DENND1A: variants seen among roughly 807,000 people sequenced by gnomAD.
DENND1A encodes the protein DENN domain containing 1A, also known as DENN domain-containing protein 1A.
Under a neutral mutation model 113.7 loss-of-function variants are expected in DENND1A, and 51 were observed. That is an observed-to-expected ratio of 0.45 (90% CI 0.36 to 0.57). The LOEUF (loss-of-function observed/expected upper bound fraction) is 0.57. Among genes scored for constraint, DENND1A ranks in the 20% least tolerant of loss-of-function variants. The pLI is 0.00. For missense variants in DENND1A, 1,258 were observed against 1,395.9 expected (o/e 0.90, Z 1.57); for synonymous variants, 565 against 570.8 (o/e 0.99, Z 0.14).
chr9:123,631,681 A>G (rs2061482192), intron 9 of DENND1A, among the ~76,000 whole-genome samples: 1 of 152,200 alleles, frequency 6.6e-6, no homozygotes, highest in South Asian at 2.1e-4. Context: ...CCACATAGGT[A>G]ATCAATTGCT....
intron 4 of DENND1A, among the ~76,000 whole-genome samples, chr9:123,760,742 A>T (rs2070967463): frequency 6.6e-6 from 1 of 152,234 alleles, no homozygotes; most frequent in Admixed American, 6.5e-5. Flanking sequence ...AAGGTTGAGA[A>T]CTGAAGATGT....
At chr9:123,450,170 C>T (rs2047608721) in intron 18 of DENND1A, among the ~76,000 whole-genome samples, 1 of 152,116 alleles carries the variant, frequency 6.6e-6, no homozygotes, top group African/African-American at 2.4e-5. Context: ...CTCAGAGTCT[C>T]AACAGCGCCC....
intron 19 of DENND1A, chr9:123,413,498 C>T: frequency 3.0e-6 from 3 of 985,440 alleles, no homozygotes; most frequent in Non-Finnish European, 3.6e-6. Context: ...GAACCTGCCC[C>T]ACTACTCCTG....
At chr9:123,780,721 C>CCTAT (rs1831185188) in intron 3 of DENND1A, among the ~76,000 whole-genome samples, 1 of 152,092 alleles carries the variant, frequency 6.6e-6, no homozygotes, top group African/African-American at 2.4e-5. Context: ...TCTAAATTGA[C>CCTAT]CTATAGGAGT....
In DENND1A at chr9:123,435,016, A is replaced by G. The variant is rs887221859; in HGVS notation, c.1488+5344T>C. 2.6e-5 allele frequency among the ~76,000 whole-genome samples: 4 copies of G among 152,154 alleles called. No individual in the cohort carries two copies. The South Asian group carries it at 8.3e-4, about 32-fold the overall frequency. On this transcript the variant is annotated intron_variant, in intron 19 of 23. Transcript: ENST00000394215. ...GGGTGGAAGGAGAGGATCTGGGGAG[A>G]AGGAGGGCGGAGCCTGGCTCTGGAT...
At chr9:123,719,985 T>G (rs1407899316) in intron 5 of DENND1A, among the ~76,000 whole-genome samples, 1 of 152,210 alleles carries the variant, frequency 6.6e-6, no homozygotes, top group African/African-American at 2.4e-5. Flanking sequence ...GTCTGTGGCT[T>G]CAAAGCCTGC....
chr9:123,418,587 G>C (rs116577648), intron 19 of DENND1A, among the ~76,000 whole-genome samples: 2 of 152,164 alleles, frequency 1.3e-5, no homozygotes, highest in African/African-American at 4.8e-5. Context: ...GGTGACTTGG[G>C]GGCAGAGAGC....
chr9:123,613,799 T>C (rs1320256004), intron 10 of DENND1A, among the ~76,000 whole-genome samples: 1 of 152,254 alleles, frequency 6.6e-6, no homozygotes, highest in Non-Finnish European at 1.5e-5. Context: ...ACAGTGATTG[T>C]AGGATGCTAT....
intron 13 of DENND1A, among the ~76,000 whole-genome samples, chr9:123,460,682 C>G (rs1439405500): frequency 6.6e-6 from 1 of 152,256 alleles, no homozygotes; most frequent in Non-Finnish European, 1.5e-5. Context: ...CTACGCCTAC[C>G]TTGGCGTAGG....
chr9:123,474,669 G>A (rs935978632), intron 13 of DENND1A, among the ~76,000 whole-genome samples: 1 of 152,204 alleles, frequency 6.6e-6, no homozygotes, highest in African/African-American at 2.4e-5. Context: ...GCAGTGTGAT[G>A]GTGAGCAAGT....
chr9:123,467,705 T>TTC (rs2049072623), intron 13 of DENND1A, among the ~76,000 whole-genome samples: 1 of 152,036 alleles, frequency 6.6e-6, no homozygotes, highest in South Asian at 2.1e-4. Flanking sequence ...GTAAAAATGT[T>TTC]AGGAATTTCA....
intron 11 of DENND1A, among the ~76,000 whole-genome samples, chr9:123,586,519 A>C (rs2059171779): frequency 6.6e-6 from 1 of 152,120 alleles, no homozygotes; most frequent in Non-Finnish European, 1.5e-5. Context: ...TAGTAACCAA[A>C]ATGCCCCGAG....
rs560897619 is a variant in DENND1A at position 123,389,006 on chromosome 9, C to T, written c.1632-1148G>A. 1.3e-3 allele frequency among the ~76,000 whole-genome samples: 196 copies of T among 152,356 alleles called. 2 individuals carry two copies. Among genetic ancestry groups the T allele is most frequent in the African/African-American group, 4.2e-3 (174 of 41,574 alleles). On this transcript the variant is annotated intron_variant, in intron 21 of 23. Transcript: ENST00000394215. ...GGGCTACCTCCTCTCCCCTCACCCC[C>T]CAGCCCCCAGCTAAAGCCGTCTCCC...
intron 1 of DENND1A, among the ~76,000 whole-genome samples, chr9:123,918,722 T>C (rs752369350): frequency 6.6e-5 from 10 of 152,256 alleles, no homozygotes; most frequent in Non-Finnish European, 1.3e-4. Context: ...AACCAAATGG[T>C]TGATATGGAA....
chr9:123,490,662 T>C (rs1020072779), intron 13 of DENND1A, among the ~76,000 whole-genome samples: 3 of 151,420 alleles, frequency 2.0e-5, no homozygotes, highest in Non-Finnish European at 4.4e-5. Context: ...TTTTCAATTG[T>C]CTAGTAGCAC....
chr9:123,459,768 T>G (rs1451305440), intron 13 of DENND1A, among the ~76,000 whole-genome samples: 1 of 152,154 alleles, frequency 6.6e-6, no homozygotes, highest in East Asian at 1.9e-4. Context: ...TTTAATGAGT[T>G]GCATGAGTGT....
intron 5 of DENND1A, among the ~76,000 whole-genome samples, chr9:123,678,275 C>G (rs2064221130): frequency 6.6e-6 from 1 of 152,196 alleles, no homozygotes; most frequent in African/African-American, 2.4e-5. Context: ...TCAGCGTTTA[C>G]TGAGCAAATA....
intron 11 of DENND1A, among the ~76,000 whole-genome samples, chr9:123,591,838 T>C (rs1212893824): frequency 6.6e-6 from 1 of 152,136 alleles, no homozygotes. Context: ...ATAATAATAA[T>C]AACGATGGCA....
intron 5 of DENND1A, among the ~76,000 whole-genome samples, chr9:123,696,240 T>C (rs2065511659): frequency 6.6e-6 from 1 of 152,190 alleles, no homozygotes. Context: ...AGAAAAGTGA[T>C]TAGAACAGCA....
Sources: allele counts gnomAD v4.1 joint callset (sites outside exome capture counted in the v4.1 genomes callset), GRCh38; gene constraint gnomAD v4.1.1; transcripts MANE v1.5; gene names NCBI Gene and HGNC (gene_info 2026-07-23, HGNC 2026-07-21).